Variants in DPT observed in about 807,000 individuals in gnomAD.
DPT encodes dermatopontin.
Under a neutral mutation model 31.2 loss-of-function variants are expected in DPT, and 21 were observed. That is an observed-to-expected ratio of 0.67 (90% confidence interval 0.48 to 0.97). DPT has a LOEUF of 0.97. DPT is among the 50% of genes least tolerant of loss of function. The pLI is 0.00. For synonymous variants in DPT, 91 were observed against 86.9 expected (o/e 1.05, Z -0.26); for missense variants, 262 against 258.8 (o/e 1.01, Z -0.08).
intron 3 of DPT, among the ~76,000 whole-genome samples, chr1:168,700,262 G>A (rs762605441): frequency 1.5e-4 from 23 of 152,102 alleles, no homozygotes; most frequent in Non-Finnish European, 3.1e-4. Flanking sequence ...TCCACCATGC[G>A]TGAGGACACA....
At position 168,717,206 on chromosome 1, in the gene DPT, G is replaced by A. The variant is rs924001620; in HGVS notation, c.306-2860C>T. 5.9e-5 allele frequency among the ~76,000 whole-genome samples: 9 copies of A among 152,084 alleles called. No individual in the cohort carries two copies. The East Asian group carries it at 9.6e-4, about 16-fold the overall frequency. On this transcript the variant is annotated intron_variant, in intron 1 of 3. Coordinates refer to ENST00000367817, the MANE Select transcript of DPT (RefSeq NM_001937.5). ...AGAATTCCTATTTCTTCACAGCCTC[G>A]CCAGCATCTGTTGGTTCTTGGCTTT...
chr1:168,716,567 C>T (rs533619), intron 1 of DPT, among the ~76,000 whole-genome samples: 45,285 of 151,734 alleles, frequency 0.3, 7,125 homozygotes, highest in East Asian at 0.52. Context: ...CTTTAAGTTC[C>T]GGGATACAAG....
intron 1 of DPT, among the ~76,000 whole-genome samples, chr1:168,716,154 C>T (rs927934959): frequency 1.3e-5 from 2 of 152,064 alleles, no homozygotes; most frequent in Admixed American, 6.5e-5. Flanking sequence ...AGAAATCATC[C>T]GTCCTTTTAA....
At position 168,729,176 on chromosome 1, in the gene DPT, C is replaced by A; in HGVS notation, c.-2G>T. On this transcript the variant is annotated 5_prime_UTR_variant, in exon 1 of 4. Transcript: ENST00000367817. The stretch of plus-strand genomic sequence containing the variant: ...TACCCAGAGAAGACTGAGGTCCATG[C>A]TGCCTGGGATTTTGGCAAACAATGT... The A allele has an allele frequency of 6.2e-7, 1 of 1,611,012 alleles. No homozygotes were observed.
At chr1:168,714,004 T>C (rs1459027566) in intron 2 of DPT, among the ~76,000 whole-genome samples, 1 of 152,154 alleles carries the variant, frequency 6.6e-6, no homozygotes, top group African/African-American at 2.4e-5. Flanking sequence ...TGGTTCTGTT[T>C]CCTTTTCTGC....
At chr1:168,706,957 C>A (rs531953) in intron 2 of DPT, among the ~76,000 whole-genome samples, 1 of 152,086 alleles carries the variant, frequency 6.6e-6, no homozygotes, top group Non-Finnish European at 1.5e-5. Flanking sequence ...TTCAACAGCT[C>A]CCCTCCAATT....
chr1:168,726,907 A>G (rs1650256731), intron 1 of DPT, among the ~76,000 whole-genome samples: 1 of 152,244 alleles, frequency 6.6e-6, no homozygotes, highest in Admixed American at 6.5e-5. Context: ...AGAATGGCCC[A>G]CAAAGGCTGT....
intron 2 of DPT, among the ~76,000 whole-genome samples, chr1:168,711,932 T>C (rs1011879316): frequency 2.6e-5 from 4 of 152,168 alleles, no homozygotes; most frequent in Non-Finnish European, 4.4e-5. Context: ...TCTCTGCTTG[T>C]GTAGAGCTTA....
At chr1:168,703,933 A>G (rs57717884) in intron 2 of DPT, among the ~76,000 whole-genome samples, 4,360 of 152,204 alleles carry the variant, frequency 0.029, 94 homozygotes, top group African/African-American at 0.045. Flanking sequence ...GTGCACGCGC[A>G]CACACACACA....
chr1:168,703,604 A>G (rs887827303), intron 2 of DPT, among the ~76,000 whole-genome samples: 2 of 152,126 alleles, frequency 1.3e-5, no homozygotes, highest in South Asian at 2.1e-4. Context: ...TTGGTCCCAG[A>G]CAGGTTTTGT....
At chr1:168,700,909 GT>G in intron 3 of DPT, 107 bp downstream of exon 3, 1 of 413,508 alleles carries the variant, frequency 2.4e-6, no homozygotes, top group Non-Finnish European at 4.1e-6. Context: ...GTGTGTGTGG[GT>G]GTGTGTGTGT....
rs549127168 is a variant in DPT, at chr1:168,713,633, G to A, written c.431+588C>T. On this transcript the variant is annotated intron_variant, in intron 2 of 3. Coordinates refer to ENST00000367817, the MANE Select transcript of DPT (RefSeq NM_001937.5). ...CTAGTCAATTGGAAGGCTAGGTCAG[G>A]AGATATTCGGCATGAGCCCAGGGAT... Among the ~76,000 whole-genome samples the A allele has an allele frequency of 1.1e-3, 168 of 152,328 alleles. 1 individual carries two copies. The highest frequency in any genetic ancestry group is 0.01 in the Middle Eastern group (3 of 294).
intron 1 of DPT, among the ~76,000 whole-genome samples, chr1:168,721,645 G>C (rs981223572): frequency 6.6e-6 from 1 of 152,148 alleles, no homozygotes; most frequent in South Asian, 2.1e-4. Context: ...TTCCTTTCTT[G>C]ACAATTCCAA....
At chr1:168,704,202 T>G (rs1376016145) in intron 2 of DPT, among the ~76,000 whole-genome samples, 2 of 152,154 alleles carry the variant, frequency 1.3e-5, no homozygotes, top group Non-Finnish European at 2.9e-5. Context: ...TTTAAGCAGT[T>G]TTTTGGAAAA....
rs568671321 is a variant in DPT at position 168,724,137 on chromosome 1, G to A, written c.305+4733C>T. 2.6e-5 allele frequency among the ~76,000 whole-genome samples: 4 copies of A among 152,302 alleles called. No individual in the cohort carries two copies. The South Asian group carries it at 8.3e-4, about 32-fold the overall frequency. On this transcript the variant is annotated intron_variant, in intron 1 of 3. Transcript: ENST00000367817. ...GAGACCTTAAGATTATTGAGAGAAT[G>A]AAAACCTGATAAAAACTTCATTCTG...
At chr1:168,714,006 CT>C (rs1649924334) in intron 2 of DPT, among the ~76,000 whole-genome samples, 1 of 152,146 alleles carries the variant, frequency 6.6e-6, no homozygotes, top group Non-Finnish European at 1.5e-5. Context: ...GTTCTGTTTC[CT>C]TTTCTGCCAA....
intron 1 of DPT, among the ~76,000 whole-genome samples, chr1:168,720,902 T>G (rs1037557772): frequency 2.0e-5 from 3 of 152,216 alleles, no homozygotes; most frequent in African/African-American, 7.2e-5. Context: ...GCCCACAGAA[T>G]TTTAGAATGT....
Position 168,729,183 on chromosome 1 carries a change from G to C in DPT, c.-9C>G, listed in dbSNP as rs555484095. 1 of 1,608,832 alleles carries C rather than the reference G, an allele frequency of 6.2e-7. No individual in the cohort carries two copies. Among genetic ancestry groups the C allele is most frequent in the African/African-American group, 1.3e-5 (1 of 74,950 alleles). On this transcript the variant is annotated 5_prime_UTR_variant, in exon 1 of 4. Transcript: ENST00000367817. ...AGAAGACTGAGGTCCATGCTGCCTG[G>C]GATTTTGGCAAACAATGTCACTCTA...
At chr1:168,725,079 G>A (rs998464926) in intron 1 of DPT, among the ~76,000 whole-genome samples, 1 of 152,166 alleles carries the variant, frequency 6.6e-6, no homozygotes, top group Non-Finnish European at 1.5e-5. Context: ...TGATGTGCTA[G>A]GCATTTGTTT....
Sources: gnomAD v4.1 joint callset for allele counts (sites outside exome capture counted in the v4.1 genomes callset) on GRCh38, gnomAD v4.1.1 for gene constraint, MANE v1.5 for transcripts, NCBI Gene and HGNC (gene_info 2026-07-23, HGNC 2026-07-21) for gene names.